The following MYH13 variants were observed in gnomAD, a reference collection of about 807,000 sequenced individuals.
The protein encoded by MYH13 is myosin-13.
Under a neutral mutation model 232.1 loss-of-function variants are expected in MYH13, and 177 were observed. The ratio of observed to expected loss-of-function variants is 0.76; its 90% CI spans 0.67 to 0.86. The LOEUF is 0.86. MYH13 is among the 40% of genes least tolerant of loss of function. MYH13 has a pLI of 0.00. For missense variants in MYH13, 2,246 were observed against 2,405.9 expected, an observed-to-expected ratio of 0.93 and a Z score of 1.39; for synonymous variants, 884 against 923.5, an observed-to-expected ratio of 0.96 and a Z score of 0.78.
chr17:10,338,039 G>A (rs952192192), intron 18 of MYH13, among the ~76,000 whole-genome samples: 5 of 152,114 alleles, frequency 3.3e-5, no homozygotes, highest in Non-Finnish European at 5.9e-5. Flanking sequence ...GCGACAGAGC[G>A]AGAGTCTGTC....
intron 27 of MYH13, 62 bp downstream of exon 27, chr17:10,318,728 C>A: frequency 6.3e-7 from 1 of 1,598,918 alleles, no homozygotes; most frequent in Non-Finnish European, 8.5e-7. Context: ...TTACACGTGC[C>A]CAGGGGCAGG....
chr17:10,344,036 T>G lies in MYH13; in HGVS notation c.1658A>C (p.Lys553Thr), dbSNP rs2071640339. Reference sequence around the variant, plus strand: ...TTTTCCAAGATGCTGGTCATACAGCTTGTTCTTGAAGGAGGTGTCTGTTGC... The same window carrying G: ...TTTTCCAAGATGCTGGTCATACAGCGTGTTCTTGAAGGAGGTGTCTGTTGC... The part of the protein sequence containing the change: ...PKATDTSFKN[K>T]LYDQHLGKSN... The change falls in exon 16 of 41, where the codon AAG becomes ACG. Residue 553 changes from lysine to threonine, a missense_variant. Lys to Thr is a moderately conservative substitution (Grantham distance 78). Coordinates refer to ENST00000252172, the MANE Select transcript of MYH13 (RefSeq NM_003802.3). 1 of 1,614,214 alleles carries G rather than the reference T, an allele frequency of 6.2e-7. No homozygotes were observed. The highest frequency in any genetic ancestry group is 8.5e-7 in the Non-Finnish European group (1 of 1,180,052).
Position 10,311,163 on chromosome 17 carries a change from C to T in MYH13, c.4596G>A (p.Lys1532=). ...ETGKNLQEAE[K]TKKLVEQEKS... Reference sequence around the variant, plus strand: ...TTTCCTGCTCCACTAGCTTCTTGGTCTTTTCCGCTTCCTGAAGATTCTTGC... The same window carrying T: ...TTTCCTGCTCCACTAGCTTCTTGGTTTTTTCCGCTTCCTGAAGATTCTTGC... The change falls in exon 33 of 41, where the codon AAG becomes AAA. Residue 1532 remains lysine, a synonymous_variant. Transcript: ENST00000252172. The T allele has an allele frequency of 6.2e-7, 1 of 1,614,056 alleles. No homozygotes were observed.
At chr17:10,322,010 A>G (rs887432292) in intron 23 of MYH13, among the ~76,000 whole-genome samples, 1 of 152,200 alleles carries the variant, frequency 6.6e-6, no homozygotes, top group African/African-American at 2.4e-5. Context: ...ATATTCGCTC[A>G]TAATATGTCT....
Position 10,334,216 on chromosome 17 carries a change from G to A in MYH13, c.2057-1025C>T, listed in dbSNP as rs76711976. 3.9e-5 allele frequency among the ~76,000 whole-genome samples: 6 copies of A among 152,230 alleles called. No homozygotes were observed. In the East Asian group the frequency reaches 9.7e-4, roughly 25 times the overall value. ...CTCTTTGTGGGCTCCCTAAGTTGCC[G>A]GGGTGGGAGTGGTGGGGCCAAGGCT... On this transcript the variant is annotated intron_variant, in intron 18 of 40. Transcript: ENST00000252172.
chr17:10,320,112 C>G (rs1219195965), intron 26 of MYH13, 41 bp downstream of exon 26: 3 of 1,494,830 alleles, frequency 2.0e-6, no homozygotes, highest in Non-Finnish European at 2.7e-6. Context: ...GGCGCTCTTG[C>G]AAAGGGATTG....
intron 21 of MYH13, among the ~76,000 whole-genome samples, chr17:10,329,709 G>A (rs971366847): frequency 6.6e-6 from 1 of 152,232 alleles, no homozygotes; most frequent in Admixed American, 6.5e-5. Context: ...TCAGCTGGGC[G>A]CAGTGGCTTA....
At chr17:10,321,821 A>C in intron 23 of MYH13, 113 bp from the exon 24 acceptor site, 1 of 968,796 alleles carries the variant, frequency 1.0e-6, no homozygotes, top group Non-Finnish European at 1.5e-6. Context: ...CTTTTTGGCT[A>C]CTACTTTTTT....
In MYH13 at chr17:10,350,624, A is replaced by G. The variant is rs2071701640; in HGVS notation, c.1076T>C (p.Met359Thr). ...CTTGAACTTCATGTTCCCATAATGC[A>G]TCACGGCTCCCGTCAGTTTGTAGAT... ...VGIYKLTGAV[M>T]HYGNMKFKQK... The change falls in exon 12 of 41, where the codon ATG becomes ACG. Residue 359 changes from methionine to threonine, a missense_variant. Physicochemically the swap from Met to Thr is moderately conservative, Grantham distance 81. Coordinates refer to ENST00000252172, the MANE Select transcript of MYH13 (RefSeq NM_003802.3). 6.2e-7 allele frequency: 1 copy of G among 1,613,814 alleles called. No individual in the cohort carries two copies. The highest frequency in any genetic ancestry group is 8.5e-7 in the Non-Finnish European group (1 of 1,179,988).
intron 11 of MYH13, among the ~76,000 whole-genome samples, chr17:10,353,804 C>T (rs573926751): frequency 2.0e-5 from 3 of 151,958 alleles, no homozygotes; most frequent in African/African-American, 4.8e-5. Flanking sequence ...ACCCAGGAGG[C>T]GGAGGTTGCC....
In MYH13 at chr17:10,360,171, T is replaced by G; in HGVS notation, c.523A>C (p.Ile175Leu). The G allele has an allele frequency of 6.2e-7, 1 of 1,613,940 alleles. No individual in the cohort carries two copies. Among genetic ancestry groups the G allele is most frequent in the Non-Finnish European group, 8.5e-7 (1 of 1,179,880 alleles). ...AGAGGTGTTACTCACGTGATGAGGA[T>G]AGACTGGTTGTCTCGATCTAGAAAT... ...FMLTDRDNQSILITGESGAGK... is the reference protein window; with the variant it reads ...FMLTDRDNQSLLITGESGAGK... Residue 175 changes from isoleucine to leucine, a missense_variant, in exon 6 of 41, where the codon ATC becomes CTC. Physicochemically the swap from Ile to Leu is conservative, Grantham distance 5 (BLOSUM62 2). Transcript: ENST00000252172.
intron 27 of MYH13, among the ~76,000 whole-genome samples, chr17:10,316,638 A>C (rs1036461864): frequency 1.3e-5 from 2 of 152,198 alleles, no homozygotes; most frequent in East Asian, 3.9e-4. Context: ...AATTGCAAGC[A>C]ATACAAGCCT....
Position 10,306,362 on chromosome 17 carries a change from A to G in MYH13, c.5466+97T>C. ...AGTCCTGAAACTGAATTTGCAATCTATTCATTCAGTGGCCTTTTCCCACCA... is the reference window on the plus strand; with the variant it reads ...AGTCCTGAAACTGAATTTGCAATCTGTTCATTCAGTGGCCTTTTCCCACCA... On this transcript the variant is annotated intron_variant, in intron 37 of 40. Coordinates refer to ENST00000252172, the MANE Select transcript of MYH13 (RefSeq NM_003802.3). The surrounding 1 kb of genome is among the most constrained non-coding windows in gnomAD (Gnocchi z 4.3). 2 of 1,530,660 alleles carry G rather than the reference A, an allele frequency of 1.3e-6. No homozygotes were observed. The highest frequency in any genetic ancestry group is 1.8e-6 in the Non-Finnish European group (2 of 1,123,748). The allele number at this position is 1,530,660 out of a possible 1,614,324, so 94.8% of individuals were successfully genotyped here.
At chr17:10,303,325 A>G in intron 38 of MYH13, 34 bp from the exon 39 acceptor site, 1 of 1,613,372 alleles carries the variant, frequency 6.2e-7, no homozygotes, top group Middle Eastern at 1.6e-4. Context: ...GGGGCCCGCA[A>G]ACCTATGGTC....
intron 18 of MYH13, among the ~76,000 whole-genome samples, chr17:10,338,596 G>T (rs2071593856): frequency 6.6e-6 from 1 of 151,758 alleles, no homozygotes; most frequent in East Asian, 1.9e-4. Context: ...CTCTAAGGTG[G>T]GTTAAATGAG....
At chr17:10,316,311 A>G (rs957770431) in intron 27 of MYH13, among the ~76,000 whole-genome samples, 1 of 152,108 alleles carries the variant, frequency 6.6e-6, no homozygotes, top group Non-Finnish European at 1.5e-5. Context: ...AAATACAGAA[A>G]TTAGCCAGGC....
chr17:10,327,919 T>C lies in MYH13; in HGVS notation c.2638A>G (p.Lys880Glu). 6.2e-7 allele frequency: 1 copy of C among 1,613,824 alleles called. No homozygotes were observed. Among genetic ancestry groups the C allele is most frequent in the South Asian group, 1.1e-5 (1 of 91,018 alleles). Reference sequence around the variant, plus strand: ...TTCTCCTGCAGGAGGGAGACCATTTTCTCCTCCAGCTCCTTCCGGCGAGCC... The same window carrying C: ...TTCTCCTGCAGGAGGGAGACCATTTCCTCCTCCAGCTCCTTCCGGCGAGCC... ...SEARRKELEE[K>E]MVSLLQEKND... is the part of the protein sequence containing the mutation. Residue 880 changes from lysine to glutamate, a missense_variant, in exon 22 of 41, where the codon AAA becomes GAA. Lys to Glu is a moderately conservative substitution (Grantham distance 56, BLOSUM62 1). Transcript: ENST00000252172.
intron 16 of MYH13, among the ~76,000 whole-genome samples, chr17:10,342,337 G>C (rs1167530147): frequency 6.6e-6 from 1 of 152,076 alleles, no homozygotes; most frequent in Non-Finnish European, 1.5e-5. Flanking sequence ...GGGATTACAG[G>C]TGTAAGCCAC....
intron 33 of MYH13, among the ~76,000 whole-genome samples, chr17:10,310,668 C>T (rs965473668): frequency 5.3e-5 from 8 of 152,122 alleles, no homozygotes; most frequent in Non-Finnish European, 1.0e-4. Context: ...TATCCTGTGT[C>T]GGTTCGTATT....
Sources: allele counts gnomAD v4.1 joint callset (sites outside exome capture counted in the v4.1 genomes callset), GRCh38; gene constraint gnomAD v4.1.1; non-coding constraint Gnocchi (gnomAD v3.1); transcripts MANE v1.5; gene names NCBI Gene and HGNC (gene_info 2026-07-23, HGNC 2026-07-21).